The following ITGA8 variants were observed in gnomAD, a reference collection of about 807,000 sequenced individuals.
ITGA8 encodes integrin alpha-8.
Under a neutral mutation model 142.3 loss-of-function variants are expected in ITGA8, and 91 were observed. That is an observed-to-expected ratio of 0.64 (90% CI 0.54 to 0.76). ITGA8 has a LOEUF of 0.76. Ranked by LOEUF, ITGA8 falls within the 30% of genes least tolerant of loss-of-function variation. ITGA8 has a pLI of 0.00. For synonymous variants in ITGA8, 505 were observed against 485.2 expected (o/e 1.04, Z -0.54); for missense variants, 1,406 against 1,327.7 (o/e 1.06, Z -0.92).
chr10:15,707,799 G>A (rs988885510), intron 2 of ITGA8, among the ~76,000 whole-genome samples: 1 of 150,640 alleles, frequency 6.6e-6, no homozygotes, highest in Non-Finnish European at 1.5e-5. Flanking sequence ...CTCCGGCCTC[G>A]GTGACAGAGT....
intron 27 of ITGA8, among the ~76,000 whole-genome samples, chr10:15,544,195 A>G (rs111636114): frequency 0.055 from 8,397 of 152,140 alleles, 754 homozygotes; most frequent in African/African-American, 0.19. Flanking sequence ...CTACTCAGGA[A>G]GCTGAGGTGG....
intron 11 of ITGA8, among the ~76,000 whole-genome samples, chr10:15,653,899 A>G (rs1834135438): frequency 6.6e-6 from 1 of 150,834 alleles, no homozygotes; most frequent in Admixed American, 6.6e-5. Context: ...CAGTGGTGCA[A>G]TCACGGCTCA....
intron 6 of ITGA8, among the ~76,000 whole-genome samples, chr10:15,674,057 C>T (rs912620437): frequency 6.6e-6 from 1 of 152,174 alleles, no homozygotes. Flanking sequence ...GGAATTCACA[C>T]AAAATTCCCA....
chr10:15,618,043 A>C (rs1001499246), intron 13 of ITGA8, among the ~76,000 whole-genome samples: 3 of 152,190 alleles, frequency 2.0e-5, no homozygotes, highest in Non-Finnish European at 4.4e-5. Flanking sequence ...CATAGATGTA[A>C]AGATGGTAAT....
In ITGA8 at chr10:15,527,808, G is replaced by A. The variant is rs369156967; in HGVS notation, c.2982+3242C>T. On this transcript the variant is annotated intron_variant, in intron 28 of 29. Transcript: ENST00000378076. Reference sequence around the variant, plus strand: ...GTCTCATTATAGAAGAAGGAACAAAGAATGACTTTCCTCAGGGGCAGATTA... The same window carrying A: ...GTCTCATTATAGAAGAAGGAACAAAAAATGACTTTCCTCAGGGGCAGATTA... Among the ~76,000 whole-genome samples, 11 of 149,592 alleles carry A rather than the reference G, an allele frequency of 7.4e-5. No homozygotes were observed. The East Asian group carries it at 1.6e-3, about 22-fold the overall frequency.
intron 2 of ITGA8, among the ~76,000 whole-genome samples, chr10:15,690,025 G>A (rs1834903625): frequency 6.6e-6 from 1 of 152,100 alleles, no homozygotes; most frequent in Non-Finnish European, 1.5e-5. Flanking sequence ...CTGTGACTCT[G>A]CACTCGAGCC....
chr10:15,607,732 A>G lies in ITGA8; in HGVS notation c.1709T>C (p.Leu570Pro), dbSNP rs1408866862. 9 of 1,613,944 alleles carry G rather than the reference A, an allele frequency of 5.6e-6. No individual in the cohort carries two copies. The highest frequency in any genetic ancestry group is 7.6e-6 in the Non-Finnish European group (9 of 1,179,830). Residue 570 changes from leucine (L) to proline (P), a missense_variant, in exon 17 of 30, where the codon CTT (leucine) becomes CCT (proline). Leu to Pro is a moderately conservative substitution (Grantham distance 98). Coordinates refer to ENST00000378076, the MANE Select transcript of ITGA8 (RefSeq NM_003638.3). ...DNHQAHRVFP[L>P]VIKRQKSHQC... ...GTGGGATTTCTGCCTTTTTATCACA[A>G]GAGGGAAGACGCGATGAGCCTGATG...
chr10:15,544,450 G>C (rs1181770322), intron 27 of ITGA8, among the ~76,000 whole-genome samples: 1 of 152,160 alleles, frequency 6.6e-6, no homozygotes, highest in Admixed American at 6.5e-5. Context: ...TTCTGGTTTT[G>C]GACTTTGAGA....
intron 4 of ITGA8, among the ~76,000 whole-genome samples, chr10:15,683,492 G>A (rs1455555597): frequency 6.6e-6 from 1 of 152,142 alleles, no homozygotes; most frequent in Admixed American, 6.5e-5. Flanking sequence ...TAAGTATACA[G>A]AGTCATTTTG....
intron 8 of ITGA8, among the ~76,000 whole-genome samples, chr10:15,666,158 T>A (rs1419123352): frequency 6.6e-6 from 1 of 152,232 alleles, no homozygotes; most frequent in African/African-American, 2.4e-5. Flanking sequence ...GAGCATGGAA[T>A]GTTCTTCCAT....
intron 27 of ITGA8, among the ~76,000 whole-genome samples, chr10:15,538,992 G>A (rs1267722): frequency 2.2e-5 from 3 of 133,518 alleles, no homozygotes; most frequent in Admixed American, 8.5e-5. Flanking sequence ...CGTTTCCTTA[G>A]AAGACAAGGG....
intron 22 of ITGA8, 92 bp from the exon 23 acceptor site, chr10:15,586,756 A>G (rs1224552633): frequency 1.4e-6 from 1 of 733,160 alleles, no homozygotes. Context: ...ATCACAGGAG[A>G]ACACACGTTA....
intron 26 of ITGA8, among the ~76,000 whole-genome samples, chr10:15,550,139 G>T (rs1318652577): frequency 6.6e-6 from 1 of 152,134 alleles, no homozygotes; most frequent in Non-Finnish European, 1.5e-5. Flanking sequence ...TTTATAAGGG[G>T]TTTCCTCTTT....
chr10:15,672,842 A>G (rs1834553226), intron 6 of ITGA8, 93 bp from the exon 7 acceptor site: 3 of 1,339,530 alleles, frequency 2.2e-6, no homozygotes, highest in Admixed American at 5.6e-5. Flanking sequence ...CTATGGTGGA[A>G]TTGCTTGCTT....
At chr10:15,667,664 A>C (rs1254529665) in intron 8 of ITGA8, among the ~76,000 whole-genome samples, 1 of 151,688 alleles carries the variant, frequency 6.6e-6, no homozygotes. Context: ...TTAGTGCTAT[A>C]AATTTCCCTC....
intron 10 of ITGA8, among the ~76,000 whole-genome samples, chr10:15,656,918 T>G (rs75448274): frequency 1.3e-5 from 2 of 152,320 alleles, no homozygotes; most frequent in East Asian, 3.9e-4. Flanking sequence ...TATCTGAACT[T>G]TCTGAGCAGT....
intron 13 of ITGA8, among the ~76,000 whole-genome samples, chr10:15,642,047 G>C (rs901701059): frequency 6.6e-6 from 1 of 152,138 alleles, no homozygotes. Context: ...AGGACCGCTT[G>C]AACCCAGGAG....
At chr10:15,665,888 G>T (rs930306561) in intron 8 of ITGA8, among the ~76,000 whole-genome samples, 12 of 152,042 alleles carry the variant, frequency 7.9e-5, no homozygotes, top group African/African-American at 2.9e-4. Flanking sequence ...CTCTGTTTTG[G>T]TACCAGTACC....
At chr10:15,597,386 T>C in intron 20 of ITGA8, 87 bp from the exon 21 acceptor site, 1 of 1,032,220 alleles carries the variant, frequency 9.7e-7, no homozygotes, top group Middle Eastern at 2.0e-4. Flanking sequence ...GGAGCTCCCC[T>C]GGATCTCAAA....
Sources: allele counts gnomAD v4.1 joint callset (sites outside exome capture counted in the v4.1 genomes callset), GRCh38; gene constraint gnomAD v4.1.1; transcripts MANE v1.5; gene names NCBI Gene and HGNC (gene_info 2026-07-23, HGNC 2026-07-21).